The following SCD5 variants were observed in gnomAD, a reference collection of about 807,000 sequenced individuals.
SCD5 encodes acyl-CoA-desaturase 4.
SCD5 carries 20 observed loss-of-function variants against 30.4 expected under a neutral mutation model. The ratio of observed to expected loss-of-function variants is 0.66; its 90% CI spans 0.46 to 0.96. The LOEUF is 0.96. SCD5 is among the 40% of genes least tolerant of loss of function. SCD5 has a pLI of 0.00. For missense variants in SCD5, 381 were observed against 443.3 expected (o/e 0.86, Z 1.26); for synonymous variants, 173 against 176.4 (o/e 0.98, Z 0.16).
chr4:82,695,812 CA>C (rs1560536360), intron 2 of SCD5, among the ~76,000 whole-genome samples: 3 of 152,214 alleles, frequency 2.0e-5, no homozygotes, highest in Non-Finnish European at 4.4e-5. Context: ...TTTGCCTAGA[CA>C]AATCCTCTTC....
intron 1 of SCD5, 145 bp downstream of exon 1, chr4:82,798,161 G>C (rs1323172765): frequency 1.1e-6 from 1 of 925,774 alleles, no homozygotes; most frequent in African/African-American, 1.8e-5. Flanking sequence ...TGGATGCCAA[G>C]GGGGCCGCGG....
chr4:82,788,377 T>A (rs1578068929), intron 1 of SCD5, among the ~76,000 whole-genome samples: 1 of 152,088 alleles, frequency 6.6e-6, no homozygotes, highest in East Asian at 1.9e-4. Context: ...CATGACACAA[T>A]CCTACATGTG....
intron 1 of SCD5, among the ~76,000 whole-genome samples, chr4:82,705,921 C>T (rs1188938751): frequency 6.6e-6 from 1 of 152,208 alleles, no homozygotes; most frequent in Non-Finnish European, 1.5e-5. Flanking sequence ...ATCTTGATCT[C>T]AATCTATATT....
Position 82,705,401 on chromosome 4 carries a change from AAGC to A in SCD5, c.242_244del (p.Cys81del). 6.2e-7 allele frequency: 1 copy of A among 1,614,198 alleles called. No homozygotes were observed. Among genetic ancestry groups the A allele is most frequent in the Non-Finnish European group, 8.5e-7 (1 of 1,180,028 alleles). Reference sequence around the variant, plus strand: ...TGTCACACCCAGAGCGGCCAGGAGGAAGCAGAAGTAGGCTGCAAGACACAAGCA... The same window carrying A: ...TGTCACACCCAGAGCGGCCAGGAGGAAGAAGTAGGCTGCAAGACACAAGCA... On this transcript the variant is annotated inframe_deletion, in exon 2 of 5. Transcript: ENST00000319540.
chr4:82,713,236 C>T (rs969523710), intron 1 of SCD5, among the ~76,000 whole-genome samples: 1 of 152,184 alleles, frequency 6.6e-6, no homozygotes, highest in Admixed American at 6.5e-5. Flanking sequence ...TGCTTATTTT[C>T]CTCAAGTGTC....
intron 2 of SCD5, among the ~76,000 whole-genome samples, chr4:82,700,898 A>T (rs1372458784): frequency 6.6e-6 from 1 of 151,710 alleles, no homozygotes; most frequent in East Asian, 1.9e-4. Context: ...TGGTAAAAAG[A>T]GTTCTTCAGA....
At chr4:82,712,395 G>A (rs921938623) in intron 1 of SCD5, among the ~76,000 whole-genome samples, 1 of 144,362 alleles carries the variant, frequency 6.9e-6, no homozygotes, top group Non-Finnish European at 1.5e-5. Context: ...TCGGCTTATT[G>A]CAACCTCTGC....
chr4:82,631,296 A>G lies in SCD5; in HGVS notation c.*31T>C. On this transcript the variant is annotated 3_prime_UTR_variant, in exon 5 of 5. Transcript: ENST00000319540. ...ACCAAAGCCATGAACCGAGGTTGCA[A>G]CGGCAGACATGTGGGATGGCTGTTC... 6.2e-7 allele frequency: 1 copy of G among 1,600,724 alleles called. No individual in the cohort carries two copies. The highest frequency in any genetic ancestry group is 8.5e-7 in the Non-Finnish European group (1 of 1,170,996).
intron 1 of SCD5, among the ~76,000 whole-genome samples, chr4:82,755,283 T>A (rs147415556): frequency 6.6e-5 from 10 of 152,174 alleles, no homozygotes; most frequent in Admixed American, 1.3e-4. Flanking sequence ...GCAGATCACC[T>A]GAGGCCAGGA....
intron 1 of SCD5, among the ~76,000 whole-genome samples, chr4:82,756,197 C>A (rs567065453): frequency 4.4e-4 from 67 of 152,326 alleles, no homozygotes; most frequent in African/African-American, 1.4e-3. Context: ...GGCACCATCA[C>A]CCACTCGGTC....
chr4:82,697,437 T>C (rs757384870), intron 2 of SCD5, among the ~76,000 whole-genome samples: 19 of 152,242 alleles, frequency 1.2e-4, no homozygotes, highest in African/African-American at 1.9e-4. Flanking sequence ...TATCTGGAGA[T>C]GGTGCTGTGA....
At chr4:82,781,222 C>T (rs532080975) in intron 1 of SCD5, among the ~76,000 whole-genome samples, 1 of 152,232 alleles carries the variant, frequency 6.6e-6, no homozygotes, top group African/African-American at 2.4e-5. Context: ...CGAGACCAGC[C>T]TGGGCAACAT....
At chr4:82,778,492 G>C (rs976339670) in intron 1 of SCD5, among the ~76,000 whole-genome samples, 2 of 152,222 alleles carry the variant, frequency 1.3e-5, no homozygotes, top group African/African-American at 4.8e-5. Flanking sequence ...TTGTCCTTTG[G>C]AAGGTCCCTA....
intron 3 of SCD5, among the ~76,000 whole-genome samples, chr4:82,651,605 C>A (rs1158275266): frequency 1.3e-5 from 2 of 152,254 alleles, no homozygotes; most frequent in Admixed American, 6.5e-5. Context: ...TCCCCAAAAA[C>A]CGATTGAAAT....
chr4:82,797,879 G>C (rs981319803), intron 1 of SCD5, among the ~76,000 whole-genome samples: 1 of 152,120 alleles, frequency 6.6e-6, no homozygotes, highest in African/African-American at 2.4e-5. Flanking sequence ...AGGTGATGGG[G>C]GGGATAGGAG....
intron 1 of SCD5, among the ~76,000 whole-genome samples, chr4:82,726,202 T>C (rs1026002835): frequency 6.6e-6 from 1 of 152,184 alleles, no homozygotes; most frequent in Non-Finnish European, 1.5e-5. Flanking sequence ...GCAGATCACC[T>C]GAGGTCAGGA....
chr4:82,757,762 A>G (rs979307880), intron 1 of SCD5, among the ~76,000 whole-genome samples: 10 of 152,210 alleles, frequency 6.6e-5, no homozygotes, highest in Non-Finnish European at 1.2e-4. Context: ...GTGAAGAATG[A>G]ACAAAATAAC....
chr4:82,635,565 G>A (rs1228091271), intron 4 of SCD5, among the ~76,000 whole-genome samples: 2 of 145,828 alleles, frequency 1.4e-5, no homozygotes, highest in Non-Finnish European at 3.0e-5. Context: ...AGCTTGCAGT[G>A]AGCCAAGATC....
At chr4:82,635,535 G>T (rs2148811430) in intron 4 of SCD5, among the ~76,000 whole-genome samples, 1 of 150,862 alleles carries the variant, frequency 6.6e-6, no homozygotes, top group Admixed American at 6.6e-5. Context: ...GCAGGAGAAT[G>T]GCGTGAACCT....
Sources: allele counts gnomAD v4.1 joint callset (sites outside exome capture counted in the v4.1 genomes callset), GRCh38; gene constraint gnomAD v4.1.1; transcripts MANE v1.5; gene names NCBI Gene and HGNC (gene_info 2026-07-23, HGNC 2026-07-21).